The following MGAT5 variants were observed in gnomAD, a reference collection of about 807,000 sequenced individuals.
The protein encoded by MGAT5 is alpha-1,6-mannosylglycoprotein 6-beta-N-acetylglucosaminyltransferase A.
MGAT5 carries 30 observed loss-of-function variants against 94.3 expected under a neutral mutation model. The observed-to-expected ratio is 0.32, with a 90% confidence interval of 0.24 to 0.43. MGAT5 has a LOEUF of 0.43. Among genes scored for constraint, MGAT5 ranks in the 20% least tolerant of loss-of-function variants. MGAT5 has a pLI of 1.00. For missense variants in MGAT5, 691 were observed against 905.5 expected (o/e 0.76, Z 3.04); for synonymous variants, 310 against 322.9 (o/e 0.96, Z 0.43).
intron 1 of MGAT5, among the ~76,000 whole-genome samples, chr2:134,247,964 T>C (rs983619384): frequency 1.3e-5 from 2 of 152,204 alleles, no homozygotes; most frequent in African/African-American, 4.8e-5. Flanking sequence ...CCTCCATCCC[T>C]TGTCTTAGAC....
intron 10 of MGAT5, among the ~76,000 whole-genome samples, chr2:134,371,012 T>A (rs1343462382): frequency 6.7e-6 from 1 of 149,762 alleles, no homozygotes; most frequent in Non-Finnish European, 1.5e-5. Flanking sequence ...ATCACCCTAC[T>A]GGTCCATTCC....
chr2:134,408,139 G>T (rs576059955), intron 11 of MGAT5, among the ~76,000 whole-genome samples: 2 of 152,258 alleles, frequency 1.3e-5, no homozygotes, highest in East Asian at 1.9e-4. Flanking sequence ...TGCTGCCTCC[G>T]TGTTGGCGGC....
At chr2:134,445,561 C>T (rs1449120054) in intron 15 of MGAT5, among the ~76,000 whole-genome samples, 2 of 152,126 alleles carry the variant, frequency 1.3e-5, no homozygotes, top group African/African-American at 4.8e-5. Flanking sequence ...ACTTCTCAGC[C>T]CAGTGCCTGT....
chr2:134,302,138 A>G (rs1214853966), intron 2 of MGAT5, among the ~76,000 whole-genome samples: 1 of 152,188 alleles, frequency 6.6e-6, no homozygotes, highest in East Asian at 1.9e-4. Context: ...CAAGAGCAAC[A>G]CTGGACAATA....
intron 1 of MGAT5, among the ~76,000 whole-genome samples, chr2:134,207,830 T>G (rs1680091335): frequency 6.6e-6 from 1 of 152,192 alleles, no homozygotes; most frequent in Non-Finnish European, 1.5e-5. Context: ...CCCAGAGGCT[T>G]GGCAAGATGA....
At chr2:134,384,662 C>G (rs1354901501) in intron 10 of MGAT5, among the ~76,000 whole-genome samples, 1 of 152,154 alleles carries the variant, frequency 6.6e-6, no homozygotes, top group East Asian at 1.9e-4. Flanking sequence ...AGCATTTATG[C>G]TATATCATGA....
At chr2:134,339,513 A>G (rs74426497) in intron 6 of MGAT5, among the ~76,000 whole-genome samples, 4,365 of 152,222 alleles carry the variant, frequency 0.029, 210 homozygotes, top group African/African-American at 0.098. Flanking sequence ...TGGTTGCACA[A>G]TAATGTGAAT....
At chr2:134,165,386 A>G (rs1420670036) in intron 1 of MGAT5, among the ~76,000 whole-genome samples, 3 of 152,178 alleles carry the variant, frequency 2.0e-5, no homozygotes, top group Non-Finnish European at 4.4e-5. Flanking sequence ...TTCATGTTGG[A>G]ATTCAAAGAA....
At chr2:134,374,972 G>C (rs753659636) in intron 10 of MGAT5, among the ~76,000 whole-genome samples, 7 of 152,214 alleles carry the variant, frequency 4.6e-5, no homozygotes, top group Non-Finnish European at 8.8e-5. Flanking sequence ...GATAAATCGA[G>C]ACTCTTGCTC....
chr2:134,216,096 C>G (rs1680483069), intron 1 of MGAT5, among the ~76,000 whole-genome samples: 1 of 152,150 alleles, frequency 6.6e-6, no homozygotes, highest in African/African-American at 2.4e-5. Context: ...CTCAGTGGTT[C>G]TGTAAGAAGC....
At chr2:134,221,778 C>G (rs543014554) in intron 1 of MGAT5, among the ~76,000 whole-genome samples, 2 of 152,028 alleles carry the variant, frequency 1.3e-5, no homozygotes, top group Admixed American at 6.6e-5. Context: ...CAGGGACAAA[C>G]GCAGAAAAGG....
At chr2:134,378,397 A>G (rs1681321499) in intron 10 of MGAT5, among the ~76,000 whole-genome samples, 1 of 152,142 alleles carries the variant, frequency 6.6e-6, no homozygotes. Context: ...GGTCAGATCT[A>G]CTTGACAAGG....
intron 8 of MGAT5, 79 bp from the exon 9 acceptor site, chr2:134,349,725 TG>T: frequency 6.6e-7 from 1 of 1,514,144 alleles, no homozygotes; most frequent in South Asian, 1.2e-5. Flanking sequence ...TTAGTAGTCT[TG>T]AAGGAAGGGT....
intron 2 of MGAT5, among the ~76,000 whole-genome samples, chr2:134,271,817 A>G (rs1202151502): frequency 2.0e-5 from 3 of 152,218 alleles, no homozygotes; most frequent in Non-Finnish European, 4.4e-5. Context: ...CTGTAATTAG[A>G]CAAGAGAACC....
rs72846762 is a variant in MGAT5, at chr2:134,237,153, G to A, written c.-142-17109G>A. 5.0e-4 allele frequency among the ~76,000 whole-genome samples: 74 copies of A among 149,360 alleles called. 1 individual carries two copies. Among genetic ancestry groups the A allele is most frequent in the African/African-American group, 1.8e-3 (71 of 40,472 alleles). On this transcript the variant is annotated intron_variant, in intron 1 of 16. Coordinates refer to the MGAT5 transcript ENST00000409645. ...TGTGTGTGTGTGTGTGTGTGTGCGC[G>A]TGTGTGTGAATTTTTACCCTCTTGG... is the stretch of plus-strand genomic sequence containing the variant.
chr2:134,158,688 G>A (rs1023209998), intron 1 of MGAT5, among the ~76,000 whole-genome samples: 4 of 152,144 alleles, frequency 2.6e-5, no homozygotes, highest in African/African-American at 7.2e-5. Context: ...GCCTGTTCCC[G>A]TCTCCCGCTG....
At chr2:134,143,779 T>G (rs751197636) in intron 1 of MGAT5, among the ~76,000 whole-genome samples, 1 of 152,240 alleles carries the variant, frequency 6.6e-6, no homozygotes, top group African/African-American at 2.4e-5. Flanking sequence ...ATGTGGTTAC[T>G]GTGTATTCAT....
At chr2:134,335,617 T>C (rs921151332) in intron 4 of MGAT5, among the ~76,000 whole-genome samples, 13 of 152,216 alleles carry the variant, frequency 8.5e-5, no homozygotes, top group East Asian at 1.9e-4. Flanking sequence ...TTTTTTTTTT[T>C]CTCCTCCTTT....
intron 2 of MGAT5, among the ~76,000 whole-genome samples, chr2:134,272,115 C>T (rs963149065): frequency 1.3e-5 from 2 of 152,188 alleles, no homozygotes; most frequent in African/African-American, 2.4e-5. Context: ...TTGCAAGGCT[C>T]ACAAGGACTT....
Sources: gnomAD v4.1 joint callset for allele counts (sites outside exome capture counted in the v4.1 genomes callset) on GRCh38, gnomAD v4.1.1 for gene constraint, MANE v1.5 for transcripts, NCBI Gene and HGNC (gene_info 2026-07-23, HGNC 2026-07-21) for gene names.